EXOC6: variants seen among roughly 807,000 people sequenced by gnomAD.
The protein encoded by EXOC6 is exocyst complex component 6, also known as SEC15-like 1.
A neutral mutation model predicts 112.5 loss-of-function variants in EXOC6; 60 were observed. The observed-to-expected ratio is 0.53, with a 90% confidence interval of 0.43 to 0.66. EXOC6 has a LOEUF of 0.66. Ranked by LOEUF, EXOC6 falls within the 30% of genes least tolerant of loss-of-function variation. The probability of loss-of-function intolerance (pLI) is 0.00; values close to 1 mark genes in which losing one functional copy is unlikely to be tolerated. For synonymous variants in EXOC6, 295 were observed against 308.0 expected (o/e 0.96, Z 0.44); for missense variants, 855 against 957.1 (o/e 0.89, Z 1.41).
chr10:93,053,459 A>G (rs1397454095), intron 20 of EXOC6, among the ~76,000 whole-genome samples: 5 of 152,200 alleles, frequency 3.3e-5, no homozygotes, highest in East Asian at 1.9e-4. Context: ...TATTAACGCT[A>G]CTTTCTCCAG....
Position 92,894,860 on chromosome 10 carries a change from T to C in EXOC6, c.321+19T>C, listed in dbSNP as rs1564808322. On this transcript the variant is annotated intron_variant, in intron 3 of 21. Coordinates refer to ENST00000260762, the MANE Select transcript of EXOC6 (RefSeq NM_019053.6). Reference sequence around the variant, plus strand: ...AAAAGAGGTGAGAAAATGATACTTTTCTGGGTATTCAGTATGTAGTTGTTC... The same window carrying C: ...AAAAGAGGTGAGAAAATGATACTTTCCTGGGTATTCAGTATGTAGTTGTTC... The C allele has an allele frequency of 1.2e-6, 2 of 1,613,088 alleles. No homozygotes were observed. The highest frequency in any genetic ancestry group is 1.7e-6 in the Non-Finnish European group (2 of 1,179,284).
intron 7 of EXOC6, among the ~76,000 whole-genome samples, chr10:92,917,522 T>C (rs937452341): frequency 1.1e-4 from 15 of 138,624 alleles, no homozygotes; most frequent in African/African-American, 4.4e-4. Context: ...TCTCTCGTTC[T>C]TTTTTTCTTT....
intron 1 of EXOC6, among the ~76,000 whole-genome samples, chr10:92,880,215 T>C (rs1171123489): frequency 6.6e-6 from 1 of 152,228 alleles, no homozygotes; most frequent in Non-Finnish European, 1.5e-5. Flanking sequence ...TCCCATGTAC[T>C]TTGTCATCTC....
intron 1 of EXOC6, among the ~76,000 whole-genome samples, chr10:92,861,312 G>C (rs61860824): frequency 0.022 from 3,285 of 152,262 alleles, 57 homozygotes; most frequent in African/African-American, 0.041. Context: ...TGCTTTAAGA[G>C]CATGGTGCTG....
At chr10:93,050,761 A>AAAAAAAAAAAAAAAAAAG in intron 20 of EXOC6, among the ~76,000 whole-genome samples, 1 of 142,564 alleles carries the variant, frequency 7.0e-6, no homozygotes, top group Non-Finnish European at 1.5e-5. Context: ...CTCCGTCTCA[A>AAAAAAAAAAAAAAAAAAG]AAAAAAAAAA....
chr10:93,022,045 TC>T (rs1162714586), intron 20 of EXOC6, among the ~76,000 whole-genome samples: 1 of 152,190 alleles, frequency 6.6e-6, no homozygotes, highest in Non-Finnish European at 1.5e-5. Context: ...CCCACGTACT[TC>T]CTTCCTTCAA....
intron 18 of EXOC6, among the ~76,000 whole-genome samples, chr10:92,975,547 C>T (rs1842515162): frequency 1.4e-5 from 2 of 145,854 alleles, no homozygotes; most frequent in East Asian, 2.1e-4. Context: ...CCCCCAGCCG[C>T]CCCGTCCGGG....
chr10:92,858,022 T>TCC (rs370524059), intron 1 of EXOC6, among the ~76,000 whole-genome samples: 1,764 of 101,038 alleles, frequency 0.017, 182 homozygotes, highest in African/African-American at 0.03. Flanking sequence ...GTTGACGGGT[T>TCC]CCCCCCCTCC....
chr10:93,021,624 C>T (rs538757611), intron 20 of EXOC6, among the ~76,000 whole-genome samples: 60 of 152,272 alleles, frequency 3.9e-4, no homozygotes, highest in African/African-American at 1.3e-3. Context: ...AGGTGATGTA[C>T]TATTGAAAAC....
At chr10:92,933,310 T>C (rs968302755) in intron 9 of EXOC6, among the ~76,000 whole-genome samples, 1 of 152,170 alleles carries the variant, frequency 6.6e-6, no homozygotes, top group African/African-American at 2.4e-5. Flanking sequence ...ACATGCTTAA[T>C]AGGCTTCATC....
rs142409820 is a variant in EXOC6, at chr10:92,899,218, TTCTC to T, written c.413-376_413-373del. Among the ~76,000 whole-genome samples the T allele has an allele frequency of 2.0e-5, 3 of 152,312 alleles. No individual in the cohort carries two copies. In the East Asian group the frequency reaches 5.8e-4, roughly 29 times the overall value. ...AAATCAGTGAATCTCACACTCAACT[TTCTC>T]TCTCAAATAACTAAAGTCTAAAGTT... On this transcript the variant is annotated intron_variant, in intron 4 of 21. Coordinates refer to ENST00000260762, the MANE Select transcript of EXOC6 (RefSeq NM_019053.6).
At chr10:93,035,040 T>C (rs897173363) in intron 20 of EXOC6, among the ~76,000 whole-genome samples, 1 of 152,180 alleles carries the variant, frequency 6.6e-6, no homozygotes, top group Non-Finnish European at 1.5e-5. Context: ...TGCCAAAGAA[T>C]TAAAGGAAGA....
chr10:92,878,203 A>G (rs970200911), intron 1 of EXOC6: 2 of 152,186 alleles, frequency 1.3e-5, no homozygotes, highest in Non-Finnish European at 2.9e-5. Flanking sequence ...TACAGTACTG[A>G]TGGTGAGGTG....
At position 92,949,549 on chromosome 10, in the gene EXOC6, G is replaced by T. The variant is rs540078186; in HGVS notation, c.1416+1170G>T. On this transcript the variant is annotated intron_variant, in intron 14 of 21. Coordinates refer to ENST00000260762, the MANE Select transcript of EXOC6 (RefSeq NM_019053.6). ...TTGTTCAGGCTAGTGTCTATATAAA[G>T]AGCACTAGACTAGGTCTAGATTCAT... Among the ~76,000 whole-genome samples, 7 of 148,920 alleles carry T rather than the reference G, an allele frequency of 4.7e-5. No homozygotes were observed. In the East Asian group the frequency reaches 7.9e-4, roughly 17 times the overall value.
At chr10:92,983,411 A>G (rs1258516137) in intron 18 of EXOC6, among the ~76,000 whole-genome samples, 1 of 152,162 alleles carries the variant, frequency 6.6e-6, no homozygotes, top group African/African-American at 2.4e-5. Context: ...TGTGAAATAC[A>G]AAAGTACAAG....
chr10:92,835,515 C>T (rs185573672), intron 1 of EXOC6, among the ~76,000 whole-genome samples: 1 of 152,226 alleles, frequency 6.6e-6, no homozygotes, highest in Admixed American at 6.5e-5. Flanking sequence ...ATATTCATCA[C>T]TGAATTTGAT....
chr10:92,901,647 G>A (rs1360471553), intron 5 of EXOC6: 3 of 147,900 alleles, frequency 2.0e-5, no homozygotes, highest in Non-Finnish European at 4.5e-5. Flanking sequence ...CTCAGATCTG[G>A]AAGCAGCCAT....
chr10:92,945,275 T>C (rs1248612984), intron 13 of EXOC6, among the ~76,000 whole-genome samples: 2 of 152,220 alleles, frequency 1.3e-5, no homozygotes, highest in Non-Finnish European at 2.9e-5. Context: ...TAACTCCTTA[T>C]TATATGTATC....
At chr10:93,050,530 TG>T (rs568315803) in intron 20 of EXOC6, among the ~76,000 whole-genome samples, 258 of 151,496 alleles carry the variant, frequency 1.7e-3, no homozygotes, top group African/African-American at 5.9e-3. Context: ...GAGGCCAAGA[TG>T]GGTGGATCAC....
Sources: gnomAD v4.1 joint callset for allele counts (sites outside exome capture counted in the v4.1 genomes callset) on GRCh38, gnomAD v4.1.1 for gene constraint, MANE v1.5 for transcripts, NCBI Gene and HGNC (gene_info 2026-07-23, HGNC 2026-07-21) for gene names.